NELL2: variants seen among roughly 807,000 people sequenced by gnomAD.
NELL2 encodes the protein neural EGFL like 2, also known as protein kinase C-binding protein NELL2.
Under a neutral mutation model 109.6 loss-of-function variants are expected in NELL2, and 41 were observed. The observed-to-expected ratio is 0.37, with a 90% CI of 0.29 to 0.49. NELL2 has a LOEUF of 0.49. Ranked by LOEUF, NELL2 falls within the 20% of genes least tolerant of loss-of-function variation. The probability of loss-of-function intolerance (pLI) is 0.98; values close to 1 mark genes in which losing one functional copy is unlikely to be tolerated. For missense variants in NELL2, 900 were observed against 1,008.3 expected (o/e 0.89, Z 1.45); for synonymous variants, 355 against 344.7 (o/e 1.03, Z -0.33).
intron 7 of NELL2, among the ~76,000 whole-genome samples, chr12:44,776,491 AAAAATAAAATTC>A (rs1941762565): frequency 6.6e-6 from 1 of 152,212 alleles, no homozygotes; most frequent in Non-Finnish European, 1.5e-5. Context: ...CTTCAAGTAA[AAAAATAAAATTC>A]AGAATTTATG....
At chr12:44,916,856 C>T (rs1332906771), upstream of NELL2, among the ~76,000 whole-genome samples, 2 of 152,166 alleles carry the variant, frequency 1.3e-5, no homozygotes, top group African/African-American at 4.8e-5. Context: ...ATGTTCCTGA[C>T]AAGCAGCTAG....
At chr12:44,865,621 C>T (rs1944971472) in intron 2 of NELL2, among the ~76,000 whole-genome samples, 1 of 92,580 alleles carries the variant, frequency 1.1e-5, no homozygotes, top group Non-Finnish European at 2.2e-5. Flanking sequence ...AATGAGATCA[C>T]ATGTACACAA....
intron 9 of NELL2, among the ~76,000 whole-genome samples, chr12:44,731,937 A>C (rs73285417): frequency 0.075 from 11,422 of 152,066 alleles, 1,388 homozygotes; most frequent in African/African-American, 0.26. Context: ...TAACAAGGAA[A>C]AATAGGAAAA....
Position 44,698,464 on chromosome 12 carries a change from T to C in NELL2, c.1318+5262A>G, listed in dbSNP as rs74904427. ...ACTGTGAACACTCAAGTAGAATAAA[T>C]GATGTTTTATGAATGTTAATCTGGA... On this transcript the variant is annotated intron_variant, in intron 12 of 19. Coordinates refer to ENST00000429094, the MANE Select transcript of NELL2 (RefSeq NM_001145108.2). Among the ~76,000 whole-genome samples the C allele has an allele frequency of 7.4e-3, 1,127 of 152,184 alleles. 8 individuals carry two copies. The highest frequency in any genetic ancestry group is 0.021 in the African/African-American group (887 of 41,512).
At chr12:44,658,232 A>G (rs1220286704) in intron 13 of NELL2, among the ~76,000 whole-genome samples, 3 of 152,218 alleles carry the variant, frequency 2.0e-5, no homozygotes, top group Non-Finnish European at 4.4e-5. Context: ...TTAAGCTGAT[A>G]AGGAACTTCA....
At chr12:44,544,848 ATACTGCAAGATGCTAC>A (rs965638397) in intron 15 of NELL2, among the ~76,000 whole-genome samples, 17 of 152,188 alleles carry the variant, frequency 1.1e-4, no homozygotes, top group African/African-American at 3.9e-4. Flanking sequence ...ATCAGAATTG[ATACTGCAAGATGCTAC>A]TACAATTAGA....
At chr12:44,515,396 A>T (rs570840349) in intron 19 of NELL2, among the ~76,000 whole-genome samples, 1 of 152,068 alleles carries the variant, frequency 6.6e-6, no homozygotes, top group African/African-American at 2.4e-5. Context: ...GGTCAATTCA[A>T]CAGAAGATAT....
At chr12:44,876,934 C>G, upstream of NELL2, 1 of 1,223,648 alleles carries the variant, frequency 8.2e-7, no homozygotes, top group South Asian at 2.8e-5. Flanking sequence ...CGCTGGAGAG[C>G]TTCCCCGGCG....
At chr12:44,794,879 T>C (rs1042787725) in intron 3 of NELL2, among the ~76,000 whole-genome samples, 2 of 151,952 alleles carry the variant, frequency 1.3e-5, no homozygotes, top group African/African-American at 4.8e-5. Context: ...GGAACATAAT[T>C]TGTCACACTT....
At chr12:44,791,082 C>T (rs7976873) in intron 3 of NELL2, among the ~76,000 whole-genome samples, 26,503 of 51,524 alleles carry the variant, frequency 0.51, 7,171 homozygotes, top group Non-Finnish European at 0.59. Flanking sequence ...TATATATATA[C>T]ATATATATAT....
chr12:44,760,790 C>T (rs565335359), intron 9 of NELL2, among the ~76,000 whole-genome samples: 2 of 152,158 alleles, frequency 1.3e-5, no homozygotes, highest in Admixed American at 6.5e-5. Context: ...AGGGGACATT[C>T]AGAGGCTGGA....
chr12:44,545,438 G>A (rs1304568082), intron 15 of NELL2, among the ~76,000 whole-genome samples: 1 of 152,050 alleles, frequency 6.6e-6, no homozygotes, highest in African/African-American at 2.4e-5. Flanking sequence ...GTGTAAAAAT[G>A]TGCTAGACAC....
intron 9 of NELL2, among the ~76,000 whole-genome samples, chr12:44,726,828 A>T (rs1939106622): frequency 6.6e-6 from 1 of 152,092 alleles, no homozygotes. Context: ...TATTTAGTTG[A>T]TTTATATATT....
chr12:44,839,652 A>G (rs1204915317), intron 2 of NELL2, among the ~76,000 whole-genome samples: 2 of 152,118 alleles, frequency 1.3e-5, no homozygotes, highest in East Asian at 3.8e-4. Flanking sequence ...TTTTTTTCTA[A>G]TTTCTGAAAC....
At chr12:44,624,031 C>T (rs1000183334) in intron 13 of NELL2, among the ~76,000 whole-genome samples, 1 of 151,926 alleles carries the variant, frequency 6.6e-6, no homozygotes, top group Admixed American at 6.6e-5. Flanking sequence ...AAATATCTAA[C>T]GTAGGTGATG....
chr12:44,739,207 A>C (rs1161097227), intron 9 of NELL2, among the ~76,000 whole-genome samples: 1 of 152,156 alleles, frequency 6.6e-6, no homozygotes, highest in African/African-American at 2.4e-5. Context: ...ATTTGCAATA[A>C]TTCGTGTGTG....
At chr12:44,647,423 C>T (rs1947133106) in intron 13 of NELL2, among the ~76,000 whole-genome samples, 1 of 152,164 alleles carries the variant, frequency 6.6e-6, no homozygotes, top group Non-Finnish European at 1.5e-5. Context: ...GCTTTCTCAT[C>T]TATGCAACAG....
At chr12:44,729,731 C>T (rs1427949666) in intron 9 of NELL2, among the ~76,000 whole-genome samples, 2 of 150,374 alleles carry the variant, frequency 1.3e-5, no homozygotes, top group Non-Finnish European at 3.0e-5. Flanking sequence ...AGATGGATTA[C>T]AGGCATGCGC....
At chr12:44,637,454 AG>A (rs1166468050) in intron 13 of NELL2, among the ~76,000 whole-genome samples, 18 of 145,878 alleles carry the variant, frequency 1.2e-4, no homozygotes, top group Admixed American at 3.7e-4. Context: ...ACAGGAAATA[AG>A]CTGATACACA....
Sources: gnomAD v4.1 joint callset for allele counts (sites outside exome capture counted in the v4.1 genomes callset) on GRCh38, gnomAD v4.1.1 for gene constraint, MANE v1.5 for transcripts, NCBI Gene and HGNC (gene_info 2026-07-23, HGNC 2026-07-21) for gene names.